Variants in MS4A10 observed in about 807,000 individuals in gnomAD.
The protein encoded by MS4A10 is membrane spanning 4-domains A10, also known as membrane-spanning 4-domains subfamily A member 10.
In MS4A10, 27 loss-of-function variants were observed where a neutral mutation model predicts 27.7. The observed-to-expected ratio is 0.98, with a 90% CI of 0.72 to 1.35. The LOEUF (loss-of-function observed/expected upper bound fraction) is 1.35, where lower values mean the gene tolerates loss of function less well. Among genes scored for constraint, MS4A10 ranks in the 40% most tolerant of loss-of-function variants. MS4A10 has a pLI of 0.00. For missense variants in MS4A10, 338 were observed against 324.7 expected (o/e 1.04, Z -0.32); for synonymous variants, 139 against 131.2 (o/e 1.06, Z -0.41).
chr11:60,790,475 A>C lies in MS4A10; in HGVS notation c.140A>C (p.His47Pro). The part of the protein sequence containing the change: ...TQPKLLAPHQ[H>P]EKSQKKSSLL... ...CCCAAGCTCCTGGCTCCACACCAGCACGAGAAGTCCCAGAAGAAGAGCAGC... is the reference window on the plus strand; with the variant it reads ...CCCAAGCTCCTGGCTCCACACCAGCCCGAGAAGTCCCAGAAGAAGAGCAGC... Residue 47 changes from histidine to proline, a missense_variant, in exon 2 of 8, where the codon CAC becomes CCC. By Grantham distance (77) the His-to-Pro change is moderately conservative (BLOSUM62 -2). Transcript: ENST00000308287. The C allele has an allele frequency of 1.2e-6, 2 of 1,614,162 alleles. No homozygotes were observed. Among genetic ancestry groups the C allele is most frequent in the East Asian group, 4.5e-5 (2 of 44,866 alleles).
rs10792293 is a variant in MS4A10 at position 60,800,727 on chromosome 11, A to C, written c.*818A>C. The C allele has an allele frequency of 0.44, 66,860 of 150,868 alleles. 15,950 individuals carry two copies. The highest frequency in any genetic ancestry group is 0.88 in the East Asian group (4,494 of 5,128). The allele number at this position is 150,868 out of a possible 1,614,324, so 9.3% of individuals were successfully genotyped here. On this transcript the variant is annotated 3_prime_UTR_variant, in exon 8 of 8. Coordinates refer to ENST00000308287, the MANE Select transcript of MS4A10 (RefSeq NM_206893.4). ...AATAGATTGTAAAGTGTAAGGCATT[A>C]GGTTCTGAGACAGCGGCAGAGAGAG...
chr11:60,793,736 T>A (rs2134753109), intron 4 of MS4A10, among the ~76,000 whole-genome samples: 1 of 152,324 alleles, frequency 6.6e-6, no homozygotes, highest in East Asian at 1.9e-4. Context: ...TCTCCCAATT[T>A]GTCCCATAGA....
At chr11:60,794,227 T>C in intron 5 of MS4A10, 124 bp downstream of exon 5, 2 of 1,112,362 alleles carry the variant, frequency 1.8e-6, no homozygotes, top group Non-Finnish European at 2.6e-6. Flanking sequence ...TGCTGGGCCC[T>C]TTGCCAACCT....
intron 6 of MS4A10, among the ~76,000 whole-genome samples, chr11:60,797,949 G>A (rs572785418): frequency 1.3e-5 from 2 of 152,372 alleles, no homozygotes; most frequent in South Asian, 4.1e-4. Context: ...GCCAGGGACA[G>A]GCTCTCCAGC....
At chr11:60,788,025 G>GAAAT (rs71471805) in intron 1 of MS4A10, among the ~76,000 whole-genome samples, 4,500 of 151,100 alleles carry the variant, frequency 0.03, 112 homozygotes, top group African/African-American at 0.049. Context: ...CTCAAAAATA[G>GAAAT]AAATAAATAA....
At chr11:60,797,993 G>A (rs968409091) in intron 6 of MS4A10, among the ~76,000 whole-genome samples, 1 of 152,230 alleles carries the variant, frequency 6.6e-6, no homozygotes, top group East Asian at 1.9e-4. Flanking sequence ...ACTAATCAGG[G>A]ATGGAGGTGT....
intron 1 of MS4A10, among the ~76,000 whole-genome samples, chr11:60,789,054 C>T (rs1249526463): frequency 6.6e-6 from 1 of 152,212 alleles, no homozygotes; most frequent in Non-Finnish European, 1.5e-5. Flanking sequence ...TTCCTTTCCC[C>T]TCTACCCAAT....
chr11:60,792,221 G>A, intron 3 of MS4A10, 44 bp from the exon 4 acceptor site: 1 of 1,542,814 alleles, frequency 6.5e-7, no homozygotes, highest in Non-Finnish European at 9.0e-7. Context: ...TGGGTTTTGA[G>A]GAACCCCAGC....
At chr11:60,797,246 T>A (rs986912253) in intron 6 of MS4A10, among the ~76,000 whole-genome samples, 3 of 152,208 alleles carry the variant, frequency 2.0e-5, no homozygotes, top group African/African-American at 7.2e-5. Context: ...TAATTGTTCC[T>A]ATTTATTGAC....
Position 60,791,055 on chromosome 11 carries a change from G to A in MS4A10, c.265G>A (p.Val89Met), listed in dbSNP as rs369729259. ...ASIVKNLHLV[V>M]LKSWYPFWGA... is the part of the protein sequence containing the mutation. ...TATAGTCAAGAACCTTCACCTGGTG[G>A]TGCTGAAGTCTTGGTATCCATTCTG... is the stretch of plus-strand genomic sequence containing the variant. Residue 89 changes from valine (V) to methionine (M), a missense_variant, in exon 3 of 8, where the codon GTG becomes ATG. Physicochemically the swap from Val to Met is conservative, Grantham distance 21. Coordinates refer to ENST00000308287, the MANE Select transcript of MS4A10 (RefSeq NM_206893.4). 3 of 1,614,032 alleles carry A rather than the reference G, an allele frequency of 1.9e-6. No individual in the cohort carries two copies. Among genetic ancestry groups the A allele is most frequent in the Middle Eastern group, 1.6e-4 (1 of 6,082 alleles).
At chr11:60,798,614 G>A in intron 7 of MS4A10, 100 bp downstream of exon 7, 1 of 892,498 alleles carries the variant, frequency 1.1e-6, no homozygotes, top group Non-Finnish European at 1.8e-6. Context: ...AGCTGTAAGG[G>A]GCAAGGGGCT....
chr11:60,792,956 G>A (rs573444212), intron 4 of MS4A10, among the ~76,000 whole-genome samples: 4 of 152,232 alleles, frequency 2.6e-5, no homozygotes, highest in Non-Finnish European at 4.4e-5. Flanking sequence ...GGCAGAATGT[G>A]CCCGAGCATA....
intron 6 of MS4A10, among the ~76,000 whole-genome samples, chr11:60,796,579 C>T (rs991837485): frequency 1.3e-5 from 2 of 152,244 alleles, no homozygotes; most frequent in African/African-American, 2.4e-5. Flanking sequence ...AGCCATCATG[C>T]CCAGCCCTCA....
chr11:60,795,917 G>A lies in MS4A10; in HGVS notation c.603+252G>A, dbSNP rs10466666. ...GAAACTCCATGGGTGCCCAGAACAAGAGGCTACTGTGCTGCCAGCTCTGAA... is the reference window on the plus strand; with the variant it reads ...GAAACTCCATGGGTGCCCAGAACAAAAGGCTACTGTGCTGCCAGCTCTGAA... On this transcript the variant is annotated intron_variant, in intron 6 of 7. Coordinates refer to ENST00000308287, the MANE Select transcript of MS4A10 (RefSeq NM_206893.4). Among the ~76,000 whole-genome samples, 1,056 of 152,276 alleles carry A rather than the reference G, an allele frequency of 6.9e-3. 11 individuals are homozygous for A. The highest frequency in any genetic ancestry group is 0.024 in the African/African-American group (1,013 of 41,540).
chr11:60,790,381 C>G lies in MS4A10; in HGVS notation c.46C>G (p.Leu16Val), dbSNP rs767169631. 5.0e-6 allele frequency: 8 copies of G among 1,614,032 alleles called. 1 individual carries two copies. The South Asian group carries it at 8.8e-5, about 18-fold the overall frequency. ...TVIPSRCARG[L>V]PSWQVLSPVQ... The stretch of plus-strand genomic sequence containing the variant: ...TATTCCCAGCCGTTGTGCTAGGGGG[C>G]TCCCATCATGGCAAGTCCTCAGCCC... The change falls in exon 2 of 8, where the codon CTC (leucine) becomes GTC (valine). Residue 16 changes from leucine to valine, a missense_variant. Coordinates refer to ENST00000308287, the MANE Select transcript of MS4A10 (RefSeq NM_206893.4).
intron 4 of MS4A10, among the ~76,000 whole-genome samples, chr11:60,793,477 G>A (rs1854464931): frequency 6.6e-6 from 1 of 152,194 alleles, no homozygotes; most frequent in African/African-American, 2.4e-5. Context: ...GATGAATACA[G>A]GCATTTCAGG....
At chr11:60,790,568 G>C (rs924495496) in intron 2 of MS4A10, 50 bp downstream of exon 2, 1 of 1,598,822 alleles carries the variant, frequency 6.3e-7, no homozygotes, top group African/African-American at 1.3e-5. Flanking sequence ...GAGGAGAGGG[G>C]GATATGAGGA....
intron 4 of MS4A10, among the ~76,000 whole-genome samples, chr11:60,793,519 G>A (rs986128776): frequency 6.6e-6 from 1 of 152,206 alleles, no homozygotes; most frequent in African/African-American, 2.4e-5. Context: ...AAAATGGGCT[G>A]GTACTGGGAC....
Position 60,788,556 on chromosome 11 carries a change from T to G in MS4A10, c.-22-1758T>G, listed in dbSNP as rs556577708. ...CACCGAATACATCCCTTAGTCCAGC[T>G]AGCTGTGTCAGACGGACTTCTGAAG... On this transcript the variant is annotated intron_variant, in intron 1 of 7. Coordinates refer to ENST00000308287, the MANE Select transcript of MS4A10 (RefSeq NM_206893.4). Among the ~76,000 whole-genome samples the G allele has an allele frequency of 3.2e-4, 49 of 152,340 alleles. 1 individual carries two copies. Among genetic ancestry groups the G allele is most frequent in the Non-Finnish European group, 3.7e-4 (25 of 68,026 alleles).
Sources: allele counts gnomAD v4.1 joint callset (sites outside exome capture counted in the v4.1 genomes callset), GRCh38; gene constraint gnomAD v4.1.1; transcripts MANE v1.5; gene names NCBI Gene and HGNC (gene_info 2026-07-23, HGNC 2026-07-21).